STAB1: variants seen among roughly 807,000 people sequenced by gnomAD.
STAB1 encodes stabilin 1, also known as stabilin-1.
In STAB1, 250 loss-of-function variants were observed where a neutral mutation model predicts 332.4. The ratio of observed to expected loss-of-function variants is 0.75; its 90% CI spans 0.68 to 0.84. The LOEUF (loss-of-function observed/expected upper bound fraction) is 0.84, where lower values mean the gene tolerates loss of function less well. STAB1 is among the 40% of genes least tolerant of loss of function. The pLI, the probability that STAB1 is intolerant of heterozygous loss-of-function variation, is 0.00. For synonymous variants in STAB1, 1,475 were observed against 1,390.4 expected, an observed-to-expected ratio of 1.06 and a Z score of -1.35; for missense variants, 3,249 against 3,489.7, an observed-to-expected ratio of 0.93 and a Z score of 1.74.
In STAB1 at chr3:52,513,945, G is replaced by T. The variant is rs780601799; in HGVS notation, c.3411G>T (p.Leu1137Phe). 1.2e-6 allele frequency: 2 copies of T among 1,606,452 alleles called. No individual in the cohort carries two copies. The highest frequency in any genetic ancestry group is 3.3e-5 in the Admixed American group (2 of 59,780). The change falls in exon 32 of 69, where the codon TTG (leucine) becomes TTT (phenylalanine). Residue 1137 changes from leucine (L) to phenylalanine (F), a missense_variant. By Grantham distance (22) the Leu-to-Phe change is conservative. Coordinates refer to ENST00000321725, the MANE Select transcript of STAB1 (RefSeq NM_015136.3). ...AGGGGTTGCTGCAGCAGCTGGACTTGGTGCCTGCCTTCAGCCTCTTCCGGG... is the reference window on the plus strand; with the variant it reads ...AGGGGTTGCTGCAGCAGCTGGACTTTGTGCCTGCCTTCAGCCTCTTCCGGG... ...GGQGLLQQLD[L>F]VPAFSLFREL...
chr3:52,501,795 G>T (rs949581180), intron 3 of STAB1, 42 bp downstream of exon 3: 18 of 1,533,444 alleles, frequency 1.2e-5, no homozygotes, highest in Non-Finnish European at 1.6e-5. Context: ...CTCCCACCCA[G>T]CCCCAGCTCT....
At position 52,520,954 on chromosome 3, in the gene STAB1, A is replaced by G. The variant is rs2079053209; in HGVS notation, c.5857A>G (p.Thr1953Ala). 1 of 1,582,046 alleles carries G rather than the reference A, an allele frequency of 6.3e-7. No individual in the cohort carries two copies. Among genetic ancestry groups the G allele is most frequent in the East Asian group, 2.2e-5 (1 of 44,560 alleles). ...GGGCTGCCACCGCAATTGTGTCACCACCACCTGGAAGCCCAGCTGCTGCCC... is the reference window on the plus strand; with the variant it reads ...GGGCTGCCACCGCAATTGTGTCACCGCCACCTGGAAGCCCAGCTGCTGCCC... ...GRGCHRNCVT[T>A]TWKPSCCPGH... is the part of the protein sequence containing the mutation. The change falls in exon 55 of 69, where the codon ACC becomes GCC. Residue 1953 changes from threonine (T) to alanine (A), a missense_variant. Coordinates refer to ENST00000321725, the MANE Select transcript of STAB1 (RefSeq NM_015136.3).
Position 52,515,487 on chromosome 3 carries a change from C to T in STAB1, c.3929C>T (p.Thr1310Ile), listed in dbSNP as rs1320278903. Residue 1310 changes from threonine (T) to isoleucine (I), a missense_variant, in exon 37 of 69, where the codon ACA becomes ATA. Coordinates refer to ENST00000321725, the MANE Select transcript of STAB1 (RefSeq NM_015136.3). ...GFSFSRGCSY[T>I]CAKKIQVPDC... is the part of the protein sequence containing the mutation. Reference sequence around the variant, plus strand: ...TCCTTCTCCCGGGGCTGCTCTTACACATGTGCCAAGAAGATCCAGGTTTGC... The same window carrying T: ...TCCTTCTCCCGGGGCTGCTCTTACATATGTGCCAAGAAGATCCAGGTTTGC... The T allele has an allele frequency of 2.5e-6, 4 of 1,613,378 alleles. No homozygotes were observed. Among genetic ancestry groups the T allele is most frequent in the Non-Finnish European group, 3.4e-6 (4 of 1,180,036 alleles).
At chr3:52,521,564 A>G (rs2079073110) in intron 56 of STAB1, 32 bp from the exon 57 acceptor site, 2 of 1,613,276 alleles carry the variant, frequency 1.2e-6, no homozygotes, top group African/African-American at 2.7e-5. Context: ...TTGTGGGCCA[A>G]TCTTTATCTT....
At chr3:52,504,345 C>A in intron 10 of STAB1, 116 bp from the exon 11 acceptor site, 2 of 1,372,146 alleles carry the variant, frequency 1.5e-6, no homozygotes, top group Non-Finnish European at 2.0e-6. Flanking sequence ...TACCCTAAAT[C>A]TAGGGAGAAT....
rs749839628 is a variant in STAB1 at position 52,517,587 on chromosome 3, G to A, written c.4601G>A (p.Gly1534Asp). Residue 1534 changes from glycine to aspartate, a missense_variant, in exon 44 of 69, where the codon GGC becomes GAC. Physicochemically the swap from Gly to Asp is moderately conservative, Grantham distance 94. Transcript: ENST00000321725. Reference protein sequence around the residue: ...CSCREGYSGDGIRTCELLDPC... With the variant: ...CSCREGYSGDDIRTCELLDPC... ...TGCCGTGAGGGTTACAGCGGGGATG[G>A]CATCCGGACCTGCGAGCTCCTGGAC... 6.2e-7 allele frequency: 1 copy of A among 1,612,888 alleles called. No homozygotes were observed. Among genetic ancestry groups the A allele is most frequent in the East Asian group, 2.2e-5 (1 of 44,860 alleles).
intron 6 of STAB1, 30 bp downstream of exon 6, chr3:52,502,757 C>G: frequency 6.3e-7 from 1 of 1,598,432 alleles, no homozygotes; most frequent in Non-Finnish European, 8.6e-7. Context: ...TAGCCTAGGG[C>G]AGCAGGTCCC....
At position 52,504,134 on chromosome 3, in the gene STAB1, A is replaced by G. The variant is rs1248746243; in HGVS notation, c.1129A>G (p.Arg377Gly). 1 of 1,590,040 alleles carries G rather than the reference A, an allele frequency of 6.3e-7. No homozygotes were observed. Among genetic ancestry groups the G allele is most frequent in the Non-Finnish European group, 8.5e-7 (1 of 1,169,912 alleles). Residue 377 changes from arginine to glycine, a missense_variant, in exon 10 of 69, where the codon AGG (arginine) becomes GGG (glycine). Physicochemically the swap from Arg to Gly is moderately radical, Grantham distance 125. Coordinates refer to ENST00000321725, the MANE Select transcript of STAB1 (RefSeq NM_015136.3). ...TQTGRVFLQL[R>G]VAVAMMDQGC... ...GACAGGCCGGGTGTTCCTGCAGCTGAGGGTCGCCGTGGCCATGATGGGTGC... is the reference window on the plus strand; with the variant it reads ...GACAGGCCGGGTGTTCCTGCAGCTGGGGGTCGCCGTGGCCATGATGGGTGC...
intron 6 of STAB1, 43 bp downstream of exon 6, chr3:52,502,770 T>C (rs1559672907): frequency 6.3e-7 from 1 of 1,588,142 alleles, no homozygotes; most frequent in African/African-American, 1.3e-5. Context: ...CAGGTCCCTG[T>C]GGCCAGAGCA....
At position 52,517,577 on chromosome 3, in the gene STAB1, A is replaced by G; in HGVS notation, c.4591A>G (p.Ser1531Gly). 1 of 1,612,896 alleles carries G rather than the reference A, an allele frequency of 6.2e-7. No individual in the cohort carries two copies. The highest frequency in any genetic ancestry group is 8.5e-7 in the Non-Finnish European group (1 of 1,179,908). Reference protein sequence around the residue: ...QVSCSCREGYSGDGIRTCELL... With the variant: ...QVSCSCREGYGGDGIRTCELL... The stretch of plus-strand genomic sequence containing the variant: ...CTCCTGCAGCTGCCGTGAGGGTTAC[A>G]GCGGGGATGGCATCCGGACCTGCGA... Residue 1531 changes from serine to glycine, a missense_variant, in exon 44 of 69, where the codon AGC becomes GGC. Physicochemically the swap from Ser to Gly is moderately conservative, Grantham distance 56. Transcript: ENST00000321725.
rs1006174010 is a variant in STAB1, at chr3:52,508,200, A to G, written c.2149-73A>G. On this transcript the variant is annotated intron_variant, in intron 20 of 68. Coordinates refer to ENST00000321725, the MANE Select transcript of STAB1 (RefSeq NM_015136.3). ...ACTCCGTCACTCTGGAGATGGGGCCAGGGAGCAGAGGCAGCCTGGGCAGGG... is the reference window on the plus strand; with the variant it reads ...ACTCCGTCACTCTGGAGATGGGGCCGGGGAGCAGAGGCAGCCTGGGCAGGG... 4 of 1,469,958 alleles carry G rather than the reference A, an allele frequency of 2.7e-6. No homozygotes were observed. The Admixed American group carries it at 7.2e-5, about 26-fold the overall frequency. 91.1% of individuals were successfully genotyped at this position (1,469,958 alleles called of 1,614,324 possible). A position where few individuals can be genotyped will look rare whatever the true frequency, so the allele number is the denominator to read the frequency against.
chr3:52,515,211 T>C (rs543968018), intron 36 of STAB1, among the ~76,000 whole-genome samples, 166 bp downstream of exon 36: 13 of 152,282 alleles, frequency 8.5e-5, no homozygotes, highest in African/African-American at 2.9e-4. Context: ...CTGGCCTGGC[T>C]CTGCTGAGGG....
intron 64 of STAB1, 33 bp from the exon 65 acceptor site, chr3:52,523,394 G>A (rs1443671331): frequency 6.2e-7 from 1 of 1,609,370 alleles, no homozygotes. Context: ...ATCTCCATCT[G>A]GCCCAGGCCA....
Position 52,519,405 on chromosome 3 carries a change from G to A in STAB1, c.5175+1G>A. The A allele has an allele frequency of 1.9e-6, 3 of 1,613,014 alleles. No homozygotes were observed. The highest frequency in any genetic ancestry group is 2.5e-6 in the Non-Finnish European group (3 of 1,179,912). ...GCCTGATGATGCTCCCATCCCGAGG[G>A]TATGACAAGCACGGGCCTGGGAGCT... On this transcript the variant is annotated splice_donor_variant, in intron 49 of 68. Transcript: ENST00000321725. LOFTEE classifies it high-confidence loss of function.
chr3:52,519,218 G>C (rs1228414534), intron 48 of STAB1, 46 bp from the exon 49 acceptor site: 4 of 1,585,760 alleles, frequency 2.5e-6, no homozygotes, highest in African/African-American at 1.3e-5. Context: ...GATAGCTTCC[G>C]AGCACCCCAC....
intron 25 of STAB1, 49 bp downstream of exon 25, chr3:52,510,556 C>T (rs996725691): frequency 8.9e-6 from 14 of 1,575,700 alleles, no homozygotes; most frequent in Non-Finnish European, 1.1e-5. Context: ...GGGGGACTCT[C>T]TCCCTGCCCC....
chr3:52,504,643 GC>G (rs970927542), intron 11 of STAB1, 94 bp downstream of exon 11: 2 of 1,611,574 alleles, frequency 1.2e-6, no homozygotes, highest in African/African-American at 2.7e-5. Context: ...AGGCATCAGG[GC>G]CTGGGATGCA....
rs559505951 is a variant in STAB1, at chr3:52,507,870, C to T, written c.2053-61C>T. On this transcript the variant is annotated intron_variant, in intron 19 of 68. Transcript: ENST00000321725. ...GCAGAGGTCCCTTAACCAGGGCTGC[C>T]TAGCAAAGGGGCTGGCCCAGAACCC... 1.6e-4 allele frequency: 245 copies of T among 1,552,360 alleles called. No individual in the cohort carries two copies. In the Middle Eastern group the frequency reaches 2.0e-3, roughly 13 times the overall value.
Position 52,503,803 on chromosome 3 carries a change from G to A in STAB1, c.923G>A (p.Ser308Asn). ...AFCTCRPGLV[S>N]INSNASAGCF... The stretch of plus-strand genomic sequence containing the variant: ...TGCACCTGCCGGCCAGGCCTGGTCA[G>A]CATCAACAGCAACGCTTCTGCGGGC... Residue 308 changes from serine to asparagine, a missense_variant, in exon 9 of 69, where the codon AGC becomes AAC. Ser to Asn is a conservative substitution (Grantham distance 46). Transcript: ENST00000321725. The A allele has an allele frequency of 6.2e-7, 1 of 1,613,202 alleles. No homozygotes were observed. Among genetic ancestry groups the A allele is most frequent in the Non-Finnish European group, 8.5e-7 (1 of 1,180,028 alleles).
Sources: allele counts gnomAD v4.1 joint callset (sites outside exome capture counted in the v4.1 genomes callset), GRCh38; gene constraint gnomAD v4.1.1; transcripts MANE v1.5; gene names NCBI Gene and HGNC (gene_info 2026-07-23, HGNC 2026-07-21).